Variants in LRP3 observed in about 807,000 individuals in gnomAD.
LRP3 encodes the protein low-density lipoprotein receptor-related protein 3.
LRP3 carries 49 observed loss-of-function variants against 58.5 expected under a neutral mutation model. The ratio of observed to expected loss-of-function variants is 0.84; its 90% CI spans 0.67 to 1.06. The LOEUF (loss-of-function observed/expected upper bound fraction) is 1.06. Ranked by LOEUF, LRP3 falls within the 50% of genes least tolerant of loss-of-function variation. The pLI, the probability that LRP3 is intolerant of heterozygous loss-of-function variation, is 0.00. For synonymous variants in LRP3, 485 were observed against 492.2 expected, an observed-to-expected ratio of 0.99 and a Z score of 0.20; for missense variants, 1,019 against 1,134.2, an observed-to-expected ratio of 0.90 and a Z score of 1.46.
intron 2 of LRP3, among the ~76,000 whole-genome samples, chr19:33,201,947 G>A (rs1378693953): frequency 1.3e-5 from 2 of 152,206 alleles, no homozygotes; most frequent in Non-Finnish European, 1.5e-5. Context: ...GCTGGCGGGC[G>A]TGATGCTTTG....
At chr19:33,202,303 T>C (rs1568381919) in intron 2 of LRP3, among the ~76,000 whole-genome samples, 1 of 152,184 alleles carries the variant, frequency 6.6e-6, no homozygotes, top group African/African-American at 2.4e-5. Context: ...GTTCGTCTGC[T>C]CCCACCCCCA....
Position 33,194,341 on chromosome 19 carries a change from G to A in LRP3, c.-445G>A, listed in dbSNP as rs899729062. On this transcript the variant is annotated 5_prime_UTR_variant, in exon 1 of 7. Coordinates refer to ENST00000253193, the MANE Select transcript of LRP3 (RefSeq NM_002333.4). ...CGGGCGGGAGGACTGACAGACCCAC[G>A]GACGCTCTACCGGCGGCACCCGGCC... is the stretch of plus-strand genomic sequence containing the variant. 6.9e-6 allele frequency among the ~76,000 whole-genome samples: 1 copy of A among 145,852 alleles called. No homozygotes were observed. Among genetic ancestry groups the A allele is most frequent in the Non-Finnish European group, 1.5e-5 (1 of 65,652 alleles).
intron 1 of LRP3, among the ~76,000 whole-genome samples, chr19:33,195,939 T>C (rs958356989): frequency 1.3e-5 from 2 of 152,278 alleles, no homozygotes; most frequent in African/African-American, 4.8e-5. Context: ...CAGCGGTTCC[T>C]GCTTCCTGGC....
chr19:33,194,960 C>G, intron 1 of LRP3, 102 bp downstream of exon 1: 1 of 514,364 alleles, frequency 1.9e-6, no homozygotes, highest in Non-Finnish European at 2.6e-6. Flanking sequence ...CCGAGCCCCC[C>G]ACCGCGGTGG....
At chr19:33,199,954 G>A (rs543320672) in intron 2 of LRP3, among the ~76,000 whole-genome samples, 1 of 152,334 alleles carries the variant, frequency 6.6e-6, no homozygotes, top group South Asian at 2.1e-4. Flanking sequence ...CCTAGGGGAG[G>A]CCTCTGGGGC....
intron 2 of LRP3, among the ~76,000 whole-genome samples, chr19:33,199,437 C>T (rs1453977715): frequency 1.3e-5 from 2 of 150,580 alleles, no homozygotes; most frequent in African/African-American, 2.4e-5. Context: ...CGCACCACTG[C>T]ACTCCAGCCT....
At position 33,208,557 on chromosome 19, in the gene LRP3, C is replaced by T. The variant is rs1380073235; in HGVS notation, c.*982C>T. 12 of 396,364 alleles carry T rather than the reference C, an allele frequency of 3.0e-5. No individual in the cohort carries two copies. Among genetic ancestry groups the T allele is most frequent in the South Asian group, 9.2e-5 (4 of 43,650 alleles). 24.6% of individuals were successfully genotyped at this position (396,364 alleles called of 1,614,324 possible). A position where few individuals can be genotyped will look rare whatever the true frequency, so the allele number is the denominator to read the frequency against. ...AGCCCCCTAATGTCAAGAGCCTCCT[C>T]CAGGGCCTGCCACGGCATCTTCCTG... On this transcript the variant is annotated 3_prime_UTR_variant, in exon 7 of 7. Coordinates refer to ENST00000253193, the MANE Select transcript of LRP3 (RefSeq NM_002333.4). This position sits in a 1 kb window ranked among gnomAD's most constrained non-coding sequence, Gnocchi z 4.7.
intron 2 of LRP3, among the ~76,000 whole-genome samples, chr19:33,201,960 C>G (rs1053960802): frequency 2.0e-4 from 31 of 152,186 alleles, no homozygotes; most frequent in African/African-American, 7.5e-4. Context: ...ATGCTTTGCT[C>G]AACCTGAGCG....
Position 33,208,478 on chromosome 19 carries a change from T to A in LRP3, c.*903T>A. On this transcript the variant is annotated 3_prime_UTR_variant, in exon 7 of 7. Transcript: ENST00000253193. The surrounding 1 kb of genome is among the most constrained non-coding windows in gnomAD (Gnocchi z 4.7). Reference sequence around the variant, plus strand: ...TGCTACCCCATCCTCGACATCCCTTTAGGGCAGGGGGACTCTGGGTGCCAT... The same window carrying A: ...TGCTACCCCATCCTCGACATCCCTTAAGGGCAGGGGGACTCTGGGTGCCAT... 3.4e-6 allele frequency: 1 copy of A among 290,330 alleles called. No individual in the cohort carries two copies. Among genetic ancestry groups the A allele is most frequent in the Non-Finnish European group, 6.6e-6 (1 of 150,882 alleles). 18.0% of individuals were successfully genotyped at this position (290,330 alleles called of 1,614,324 possible).
At chr19:33,201,135 G>C (rs1451509222) in intron 2 of LRP3, among the ~76,000 whole-genome samples, 2 of 152,214 alleles carry the variant, frequency 1.3e-5, no homozygotes, top group Admixed American at 6.5e-5. Flanking sequence ...GCAGGGCCCT[G>C]GGACATGGCA....
Position 33,194,332 on chromosome 19 carries a change from C to T in LRP3, c.-454C>T, listed in dbSNP as rs1464468402. ...GCGAGGGGCCGGGCGGGAGGACTGA[C>T]AGACCCACGGACGCTCTACCGGCGG... On this transcript the variant is annotated 5_prime_UTR_variant, in exon 1 of 7. Transcript: ENST00000253193. Among the ~76,000 whole-genome samples, 2 of 146,144 alleles carry T rather than the reference C, an allele frequency of 1.4e-5. No individual in the cohort carries two copies. The highest frequency in any genetic ancestry group is 4.0e-4 in the East Asian group (2 of 5,044).
chr19:33,205,960 G>C lies in LRP3; in HGVS notation c.1190G>C (p.Arg397Pro), dbSNP rs746765562. 2.4e-5 allele frequency: 38 copies of C among 1,583,024 alleles called. No individual in the cohort carries two copies. Among genetic ancestry groups the C allele is most frequent in the Non-Finnish European group, 3.3e-5 (38 of 1,164,498 alleles). Residue 397 changes from arginine to proline, a missense_variant, in exon 5 of 7, where the codon CGC becomes CCC. By Grantham distance (103) the Arg-to-Pro change is moderately radical. Around this residue, in one of 2 missense-constraint regions of LRP3, gnomAD observed 592 missense variants for 725.5 expected, o/e 0.82. Transcript: ENST00000253193. ...GDQGCFSEPQ[R>P]CDGWWHCASG... ...CAGGGCTGCTTCTCAGAGCCACAGC[G>C]CTGTGATGGCTGGTGGCATTGTGCC...
chr19:33,196,242 G>A (rs1321139743), intron 1 of LRP3, among the ~76,000 whole-genome samples: 2 of 152,116 alleles, frequency 1.3e-5, no homozygotes, highest in African/African-American at 4.8e-5. Flanking sequence ...CCCTTGGTAG[G>A]GGGAAGCCCT....
chr19:33,205,709 C>T lies in LRP3; in HGVS notation c.939C>T (p.Gly313=). 1 of 1,603,644 alleles carries T rather than the reference C, an allele frequency of 6.2e-7. No homozygotes were observed. The highest frequency in any genetic ancestry group is 2.2e-5 in the East Asian group (1 of 44,796). The change falls in exon 5 of 7, where the codon GGC becomes GGT. Residue 313 remains glycine (G), a synonymous_variant. Transcript: ENST00000253193. ...ACGACTACGTGCAGGTATACGAGGG[C>T]CTGGGCGAGCGCGGGGACCGCCTGC... The part of the protein sequence containing the change: ...GYDDYVQVYE[G]LGERGDRLLQ...
At position 33,205,794 on chromosome 19, in the gene LRP3, C is replaced by T. The variant is rs769391163; in HGVS notation, c.1024C>T (p.Arg342Cys). Residue 342 changes from arginine to cysteine, a missense_variant, in exon 5 of 7, where the codon CGC becomes TGC. This residue lies in a region of LRP3 where 592 missense variants were observed against 725.5 expected (regional missense o/e 0.82). Transcript: ENST00000253193. ...RPVSLEAAQG[R>C]LTVAYHARAR... ...CGTGAGCCTGGAGGCCGCCCAGGGC[C>T]GCCTCACTGTGGCCTACCACGCGCG... 2.3e-5 allele frequency: 36 copies of T among 1,586,454 alleles called. No individual in the cohort carries two copies. The highest frequency in any genetic ancestry group is 1.1e-4 in the East Asian group (5 of 44,224).
In LRP3 at chr19:33,204,979, T is replaced by G. The variant is rs139036056; in HGVS notation, c.475+127T>G. On this transcript the variant is annotated intron_variant, in intron 4 of 6. Transcript: ENST00000253193. ...CCTGTGGGATGTCCCCTGACCGCCC[T>G]GTCAATCTCAGGACAGTGGCAGGAC... The G allele has an allele frequency of 1.3e-3, 1,165 of 899,194 alleles. 3 individuals are homozygous for G. The highest frequency in any genetic ancestry group is 6.7e-3 in the Middle Eastern group (24 of 3,582). The allele number at this position is 899,194 out of a possible 1,614,324, so 55.7% of individuals were successfully genotyped here. A position where few individuals can be genotyped will look rare whatever the true frequency, so the allele number is the denominator to read the frequency against.
At chr19:33,198,317 C>T (rs969992196) in intron 2 of LRP3, among the ~76,000 whole-genome samples, 16 of 152,182 alleles carry the variant, frequency 1.1e-4, no homozygotes, top group Non-Finnish European at 1.8e-4. Context: ...GCAGGGTCCA[C>T]GTTGCCAAAC....
rs928902621 is a variant in LRP3 at position 33,203,080 on chromosome 19, C to T, written c.260+94C>T. On this transcript the variant is annotated intron_variant, in intron 3 of 6. Coordinates refer to ENST00000253193, the MANE Select transcript of LRP3 (RefSeq NM_002333.4). ...TGTGTGTGAGCAGGTGTGGAGGGCA[C>T]ACGCCTGAGGGTGTACATGTGTGTG... 26 of 1,437,650 alleles carry T rather than the reference C, an allele frequency of 1.8e-5. No individual in the cohort carries two copies. The African/African-American group carries it at 3.4e-4, about 19-fold the overall frequency. The allele number at this position is 1,437,650 out of a possible 1,614,324, so 89.1% of individuals were successfully genotyped here.
intron 3 of LRP3, 73 bp from the exon 4 acceptor site, chr19:33,204,565 A>G: frequency 8.8e-7 from 1 of 1,132,346 alleles, no homozygotes; most frequent in Non-Finnish European, 1.3e-6. Flanking sequence ...CAGCCTGACC[A>G]CTCCCTGCTG....
Sources: allele counts gnomAD v4.1 joint callset (sites outside exome capture counted in the v4.1 genomes callset), GRCh38; gene constraint gnomAD v4.1.1; regional missense constraint gnomAD v4.1.1; non-coding constraint Gnocchi (gnomAD v3.1); transcripts MANE v1.5; gene names NCBI Gene and HGNC (gene_info 2026-07-23, HGNC 2026-07-21).